Variants in ATP9B observed in about 807,000 individuals in gnomAD.
ATP9B encodes the protein probable phospholipid-transporting ATPase IIB.
ATP9B carries 110 observed loss-of-function variants against 146.1 expected under a neutral mutation model. The observed-to-expected ratio is 0.75, with a 90% CI of 0.65 to 0.88. The LOEUF is 0.88. Ranked by LOEUF, ATP9B falls within the 40% of genes least tolerant of loss-of-function variation. The pLI, the probability that ATP9B is intolerant of heterozygous loss-of-function variation, is 0.00. For missense variants in ATP9B, 1,499 were observed against 1,496.4 expected (o/e 1.00, Z -0.03); for synonymous variants, 604 against 569.7 (o/e 1.06, Z -0.86).
Position 79,347,929 on chromosome 18 carries a change from C to G in ATP9B, c.2838+4C>G. ...CCTTATCATCTCCACCATGCAGGTA[C>G]TAAGCCTTCTGTGCTGGCACCCATG... On this transcript the variant is annotated splice_donor_region_variant and intron_variant, in intron 24 of 29. Transcript: ENST00000426216. 1 of 1,610,748 alleles carries G rather than the reference C, an allele frequency of 6.2e-7. No individual in the cohort carries two copies. The highest frequency in any genetic ancestry group is 1.4e-5 in the African/African-American group (1 of 73,130).
intron 13 of ATP9B, among the ~76,000 whole-genome samples, chr18:79,279,056 T>G (rs1022944152): frequency 9.2e-5 from 14 of 152,138 alleles, no homozygotes; most frequent in Admixed American, 8.5e-4. Context: ...GCCCCAGACC[T>G]GGAGCCGACA....
At chr18:79,359,653 G>C in intron 26 of ATP9B, 191 bp downstream of exon 26, 1 of 567,358 alleles carries the variant, frequency 1.8e-6, no homozygotes, top group East Asian at 3.0e-5. Flanking sequence ...TTCAAAAGGG[G>C]AAAAACATCT....
intron 11 of ATP9B, among the ~76,000 whole-genome samples, chr18:79,248,141 G>A (rs2095987127): frequency 6.6e-6 from 1 of 152,214 alleles, no homozygotes; most frequent in Non-Finnish European, 1.5e-5. Context: ...ATAGTGTGCG[G>A]TCAGCCTGCA....
At chr18:79,256,998 A>G (rs954076541) in intron 12 of ATP9B, among the ~76,000 whole-genome samples, 11 of 152,168 alleles carry the variant, frequency 7.2e-5, no homozygotes, top group Non-Finnish European at 1.2e-4. Flanking sequence ...TTCACATTCA[A>G]TCCTATTGCT....
chr18:79,321,386 T>C (rs950239037), intron 15 of ATP9B, among the ~76,000 whole-genome samples: 2 of 1,906 alleles, frequency 1.0e-3, no homozygotes, highest in East Asian at 0.14. Flanking sequence ...ATCTAGCAAT[T>C]TTTTTTTTTT....
chr18:79,208,127 C>T (rs2095551915), intron 10 of ATP9B, among the ~76,000 whole-genome samples: 1 of 152,158 alleles, frequency 6.6e-6, no homozygotes, highest in Non-Finnish European at 1.5e-5. Flanking sequence ...CGCCTGTAGT[C>T]CCAGCTACTC....
Position 79,143,843 on chromosome 18 carries a change from CTCA to C in ATP9B, c.714_716del (p.Ile239del). On this transcript the variant is annotated inframe_deletion, in exon 6 of 30. Coordinates refer to ENST00000426216, the MANE Select transcript of ATP9B (RefSeq NM_198531.5). Reference sequence around the variant, plus strand: ...GAGTTCAGACATACAAGTTGGAGACCTCATCATAGTGGAAAAGGTTGATGATTT... The same window carrying C: ...GAGTTCAGACATACAAGTTGGAGACCTCATAGTGGAAAAGGTTGATGATTT... 6.3e-7 allele frequency: 1 copy of C among 1,582,634 alleles called. No individual in the cohort carries two copies. The highest frequency in any genetic ancestry group is 8.6e-7 in the Non-Finnish European group (1 of 1,166,050).
chr18:79,373,938 T>C lies in ATP9B; in HGVS notation c.3111T>C (p.Ser1037=), dbSNP rs2097088310. ...ATGGGGCCCTGGTGCTCTTCGAGTCTGAGTTCGTCCACGTGGTGGCCATCT... is the reference window on the plus strand; with the variant it reads ...ATGGGGCCCTGGTGCTCTTCGAGTCCGAGTTCGTCCACGTGGTGGCCATCT... The part of the protein sequence containing the change: ...LMYGALVLFE[S]EFVHVVAISF... The change falls in exon 28 of 30, where the codon TCT becomes TCC. Residue 1037 remains serine, a synonymous_variant. Transcript: ENST00000426216. 6.2e-7 allele frequency: 1 copy of C among 1,613,616 alleles called. No homozygotes were observed. Among genetic ancestry groups the C allele is most frequent in the Non-Finnish European group, 8.5e-7 (1 of 1,180,024 alleles).
At chr18:79,161,959 T>A (rs1379583194) in intron 7 of ATP9B, among the ~76,000 whole-genome samples, 2 of 152,242 alleles carry the variant, frequency 1.3e-5, no homozygotes, top group African/African-American at 4.8e-5. Flanking sequence ...AATCAAGAAT[T>A]CTTAGCTTTA....
chr18:79,313,709 C>T (rs140233070), intron 15 of ATP9B, among the ~76,000 whole-genome samples: 7 of 152,130 alleles, frequency 4.6e-5, no homozygotes, highest in African/African-American at 1.7e-4. Flanking sequence ...TCATTGACTC[C>T]AAGATTATTA....
chr18:79,263,111 T>C (rs1020774614), intron 12 of ATP9B, among the ~76,000 whole-genome samples: 2 of 152,246 alleles, frequency 1.3e-5, no homozygotes, highest in Non-Finnish European at 2.9e-5. Flanking sequence ...CATATATATT[T>C]ATGAGATACA....
Position 79,329,291 on chromosome 18 carries a change from GTCA to G in ATP9B, c.1927_1929del (p.Ile643del). 1 of 1,606,138 alleles carries G rather than the reference GTCA, an allele frequency of 6.2e-7. No individual in the cohort carries two copies. The highest frequency in any genetic ancestry group is 8.5e-7 in the Non-Finnish European group (1 of 1,176,136). ...CACCTCCGAGAGCAAGCGGATGGGC[GTCA>G]TCGTCAGGGTGAGGCTGCGGGGAGG... On this transcript the variant is annotated inframe_deletion, in exon 16 of 30. Coordinates refer to ENST00000426216, the MANE Select transcript of ATP9B (RefSeq NM_198531.5).
intron 14 of ATP9B, among the ~76,000 whole-genome samples, chr18:79,306,315 T>C (rs2096620181): frequency 6.6e-6 from 1 of 152,180 alleles, no homozygotes; most frequent in Non-Finnish European, 1.5e-5. Context: ...AGTTATTGCT[T>C]TGGTGGTGCC....
intron 1 of ATP9B, among the ~76,000 whole-genome samples, chr18:79,075,232 G>C (rs1242820616): frequency 6.6e-6 from 1 of 152,136 alleles, no homozygotes; most frequent in African/African-American, 2.4e-5. Context: ...GCTCACTACA[G>C]CCTCGACCTT....
At chr18:79,345,384 T>C (rs2096880682) in intron 21 of ATP9B, 44 bp from the exon 22 acceptor site, 2 of 1,601,928 alleles carry the variant, frequency 1.2e-6, no homozygotes, top group African/African-American at 1.3e-5. Flanking sequence ...TCTGGGACAC[T>C]GTTGTCGACC....
chr18:79,296,778 G>A (rs2096551627), intron 13 of ATP9B, among the ~76,000 whole-genome samples: 1 of 152,216 alleles, frequency 6.6e-6, no homozygotes, highest in Non-Finnish European at 1.5e-5. Context: ...TAGGAGTCAG[G>A]TTCTGGGGAT....
chr18:79,256,969 GA>G (rs1169610843), intron 12 of ATP9B, among the ~76,000 whole-genome samples: 3 of 152,126 alleles, frequency 2.0e-5, no homozygotes, highest in Admixed American at 2.0e-4. Flanking sequence ...GTAAGACTTG[GA>G]AAATACAGTG....
chr18:79,199,350 C>G (rs2095444429), intron 9 of ATP9B, among the ~76,000 whole-genome samples: 1 of 152,178 alleles, frequency 6.6e-6, no homozygotes, highest in Admixed American at 6.5e-5. Context: ...CTATTAATAA[C>G]ACTTAGCTTA....
intron 11 of ATP9B, among the ~76,000 whole-genome samples, chr18:79,226,537 A>G (rs2095736054): frequency 6.6e-6 from 1 of 152,224 alleles, no homozygotes. Flanking sequence ...CTGCTCAGTG[A>G]ACACTGGTGA....
Sources: gnomAD v4.1 joint callset for allele counts (sites outside exome capture counted in the v4.1 genomes callset) on GRCh38, gnomAD v4.1.1 for gene constraint, MANE v1.5 for transcripts, NCBI Gene and HGNC (gene_info 2026-07-23, HGNC 2026-07-21) for gene names.